The following COL22A1 variants were observed in gnomAD, a reference collection of about 807,000 sequenced individuals.
The protein encoded by COL22A1 is collagen alpha-1(XXII) chain.
In COL22A1, 221 loss-of-function variants were observed where a neutral mutation model predicts 248.9. The observed-to-expected ratio is 0.89, with a 90% CI of 0.80 to 0.99. The LOEUF is 0.99. COL22A1 is among the 50% of genes least tolerant of loss of function. COL22A1 has a pLI of 0.00. For missense variants in COL22A1, 2,240 were observed against 2,179.0 expected (o/e 1.03, Z -0.56); for synonymous variants, 891 against 793.4 (o/e 1.12, Z -2.07).
At chr8:138,713,717 C>CA (rs906717272) in intron 30 of COL22A1, among the ~76,000 whole-genome samples, 48 of 16,726 alleles carry the variant, frequency 2.9e-3, no homozygotes, top group African/African-American at 5.6e-3. Flanking sequence ...TCCACCCCCA[C>CA]CGCCCCGCCG....
At chr8:138,679,241 T>C (rs1412238513) in intron 40 of COL22A1, among the ~76,000 whole-genome samples, 2 of 152,218 alleles carry the variant, frequency 1.3e-5, no homozygotes, top group African/African-American at 4.8e-5. Flanking sequence ...AAATCTATAT[T>C]TCTTTGCACT....
intron 3 of COL22A1, among the ~76,000 whole-genome samples, chr8:138,854,293 T>C (rs921157275): frequency 6.6e-6 from 1 of 152,132 alleles, no homozygotes; most frequent in Non-Finnish European, 1.5e-5. Flanking sequence ...TACACCTGGA[T>C]CCTAAGTAGG....
intron 25 of COL22A1, chr8:138,722,335 G>A (rs576706201): frequency 9.4e-6 from 5 of 530,372 alleles, no homozygotes; most frequent in Admixed American, 7.4e-5. Flanking sequence ...CACTGGCCAT[G>A]CATGGAGGGT....
intron 50 of COL22A1, among the ~76,000 whole-genome samples, chr8:138,630,203 T>C (rs1330554595): frequency 1.3e-5 from 2 of 152,194 alleles, no homozygotes; most frequent in African/African-American, 2.4e-5. Context: ...AAATGCCAAC[T>C]CCACTGGTTG....
chr8:138,896,794 G>A (rs1281745797), intron 1 of COL22A1, among the ~76,000 whole-genome samples: 6 of 152,082 alleles, frequency 3.9e-5, no homozygotes, highest in East Asian at 1.9e-4. Context: ...CTAACATGAC[G>A]AAACCCCGTC....
At chr8:138,809,552 A>C in intron 9 of COL22A1, among the ~76,000 whole-genome samples, 2 of 66,534 alleles carry the variant, frequency 3.0e-5, no homozygotes, top group Admixed American at 1.5e-4. Flanking sequence ...ACAGAGTCTC[A>C]CTCTATTGCC....
intron 45 of COL22A1, among the ~76,000 whole-genome samples, chr8:138,651,010 A>T (rs1207426169): frequency 6.6e-6 from 1 of 152,174 alleles, no homozygotes; most frequent in Non-Finnish European, 1.5e-5. Flanking sequence ...ATAGTCCATG[A>T]GGTGAAGCTG....
In COL22A1 at chr8:138,698,658, G is replaced by A. The variant is rs139359964; in HGVS notation, c.2592+1454C>T. 6.4e-3 allele frequency among the ~76,000 whole-genome samples: 973 copies of A among 151,376 alleles called. 9 individuals carry two copies. The highest frequency in any genetic ancestry group is 0.023 in the African/African-American group (944 of 41,224). On this transcript the variant is annotated intron_variant, in intron 32 of 64. Transcript: ENST00000303045. ...GCCCTGCAGGTGAAAGAGGTGCTGT[G>A]TCCCTCATGCAGTGAGTACCTGCCA...
intron 59 of COL22A1, 78 bp from the exon 60 acceptor site, chr8:138,602,237 A>G: frequency 6.6e-7 from 1 of 1,512,590 alleles, no homozygotes; most frequent in Admixed American, 1.7e-5. Flanking sequence ...TATTCTTCAC[A>G]GTCCTGCATG....
At position 138,649,915 on chromosome 8, in the gene COL22A1, A is replaced by G. The variant is rs150811462; in HGVS notation, c.3334-137T>C. The G allele has an allele frequency of 7.9e-4, 457 of 575,098 alleles. 3 individuals are homozygous for G. The African/African-American group carries it at 8.0e-3, about 10-fold the overall frequency. The allele number at this position is 575,098 out of a possible 1,614,324, so 35.6% of individuals were successfully genotyped here. ...AAATTCCAGAGAAGATAGAAAAGCA[A>G]ACAGGTGGACTGAGTCATGATCTAA... On this transcript the variant is annotated intron_variant, in intron 45 of 64. Transcript: ENST00000303045.
At chr8:138,836,429 G>A (rs772367218) in intron 4 of COL22A1, among the ~76,000 whole-genome samples, 2 of 152,312 alleles carry the variant, frequency 1.3e-5, no homozygotes, top group South Asian at 2.1e-4. Flanking sequence ...AGACATTCAC[G>A]TCTTGGAAAA....
intron 3 of COL22A1, among the ~76,000 whole-genome samples, chr8:138,867,184 T>C (rs1293270030): frequency 6.6e-6 from 1 of 152,208 alleles, no homozygotes; most frequent in African/African-American, 2.4e-5. Context: ...ATGGTTGTGG[T>C]CCAGTAACAC....
chr8:138,707,704 C>T (rs1423129261), intron 30 of COL22A1, among the ~76,000 whole-genome samples: 2 of 152,298 alleles, frequency 1.3e-5, no homozygotes, highest in East Asian at 1.9e-4. Context: ...AAACTGGAAG[C>T]ACTCCCTTTG....
At chr8:138,697,472 C>T (rs1827601457) in intron 32 of COL22A1, among the ~76,000 whole-genome samples, 1 of 152,134 alleles carries the variant, frequency 6.6e-6, no homozygotes, top group Admixed American at 6.5e-5. Context: ...GCTGCCTGTC[C>T]CTCCTTCCTC....
intron 23 of COL22A1, among the ~76,000 whole-genome samples, chr8:138,731,014 T>C (rs1490471578): frequency 6.6e-6 from 1 of 151,988 alleles, no homozygotes; most frequent in Non-Finnish European, 1.5e-5. Context: ...GAAAGACACA[T>C]TTCTAGGCTG....
intron 42 of COL22A1, among the ~76,000 whole-genome samples, chr8:138,662,448 A>G (rs1226294179): frequency 1.3e-5 from 2 of 152,154 alleles, no homozygotes; most frequent in Non-Finnish European, 2.9e-5. Flanking sequence ...CGAGAGCTCT[A>G]ACTAGGTGGT....
chr8:138,780,858 G>C (rs556052213), intron 13 of COL22A1, 69 bp downstream of exon 13: 2 of 1,327,062 alleles, frequency 1.5e-6, no homozygotes, highest in African/African-American at 1.4e-5. Context: ...TTAAGGACAC[G>C]GGGTTCTGAC....
chr8:138,590,158 T>A (rs1049692520), intron 64 of COL22A1, among the ~76,000 whole-genome samples: 4 of 152,186 alleles, frequency 2.6e-5, no homozygotes, highest in Non-Finnish European at 2.9e-5. Flanking sequence ...ACTCGGAAGG[T>A]CAGTGCTAAG....
intron 30 of COL22A1, among the ~76,000 whole-genome samples, chr8:138,711,916 G>T (rs1829004237): frequency 6.6e-6 from 1 of 152,150 alleles, no homozygotes; most frequent in South Asian, 2.1e-4. Flanking sequence ...GCACTGGCAG[G>T]GTTTAGATCT....
Sources: gnomAD v4.1 joint callset for allele counts (sites outside exome capture counted in the v4.1 genomes callset) on GRCh38, gnomAD v4.1.1 for gene constraint, MANE v1.5 for transcripts, NCBI Gene and HGNC (gene_info 2026-07-23, HGNC 2026-07-21) for gene names.